Variants in ABI2 observed in about 807,000 individuals in gnomAD.
ABI2 encodes abelson interactor 2.
Under a neutral mutation model 59.2 loss-of-function variants are expected in ABI2, and 25 were observed. That is an observed-to-expected ratio of 0.42 (90% CI 0.31 to 0.59). ABI2 has a LOEUF of 0.59. Ranked by LOEUF, ABI2 falls within the 20% of genes least tolerant of loss-of-function variation. The pLI, the probability that ABI2 is intolerant of heterozygous loss-of-function variation, is 0.14. For synonymous variants in ABI2, 213 were observed against 235.5 expected (o/e 0.90, Z 0.87); for missense variants, 545 against 681.8 (o/e 0.80, Z 2.23).
chr2:203,382,449 G>A (rs998503805), intron 4 of ABI2, among the ~76,000 whole-genome samples: 3 of 152,128 alleles, frequency 2.0e-5, no homozygotes, highest in African/African-American at 7.2e-5. Flanking sequence ...CACATTAGGT[G>A]CTTAGTAAAT....
At chr2:203,337,341 T>G (rs542916444) in intron 1 of ABI2, among the ~76,000 whole-genome samples, 1 of 152,226 alleles carries the variant, frequency 6.6e-6, no homozygotes, top group African/African-American at 2.4e-5. Flanking sequence ...GTTGTGTTTC[T>G]ACATATTAAC....
chr2:203,345,178 C>T (rs1204335965), intron 1 of ABI2, among the ~76,000 whole-genome samples: 1 of 152,170 alleles, frequency 6.6e-6, no homozygotes, highest in Non-Finnish European at 1.5e-5. Flanking sequence ...TGAAGGTCTG[C>T]AGCTTCACTC....
intron 1 of ABI2, among the ~76,000 whole-genome samples, chr2:203,342,703 C>T (rs577886226): frequency 3.3e-5 from 5 of 152,012 alleles, no homozygotes; most frequent in Admixed American, 2.0e-4. Context: ...CCTCAGCCTC[C>T]TTAGTACTAC....
intron 11 of ABI2, among the ~76,000 whole-genome samples, chr2:203,425,400 A>G (rs1283360373): frequency 6.6e-6 from 1 of 151,880 alleles, no homozygotes; most frequent in Non-Finnish European, 1.5e-5. Context: ...ACGGGGTTTC[A>G]CCATGTTGGC....
chr2:203,407,987 G>T (rs1314913339), intron 9 of ABI2, among the ~76,000 whole-genome samples: 1 of 152,090 alleles, frequency 6.6e-6, no homozygotes, highest in Admixed American at 6.5e-5. Flanking sequence ...AATTAATTTC[G>T]ACCACCTTAT....
chr2:203,403,552 C>T lies in ABI2; in HGVS notation c.1192+818C>T, dbSNP rs2097304853. On this transcript the variant is annotated intron_variant, in intron 9 of 11. Coordinates refer to ENST00000261018, the MANE Select transcript of ABI2 (RefSeq NM_001375670.1). Reference sequence around the variant, plus strand: ...AAGAGTCTTGCAGAAGAAATTTGATCCTCCAACATAAACACTTAATTTAAA... The same window carrying T: ...AAGAGTCTTGCAGAAGAAATTTGATTCTCCAACATAAACACTTAATTTAAA... Among the ~76,000 whole-genome samples the T allele has an allele frequency of 3.3e-5, 5 of 152,050 alleles. No individual in the cohort carries two copies. The South Asian group carries it at 1.0e-3, about 32-fold the overall frequency.
In ABI2 at chr2:203,328,489, A is replaced by G; in HGVS notation, c.-26A>G. On this transcript the variant is annotated 5_prime_UTR_variant, in exon 1 of 12. Coordinates refer to ENST00000261018, the MANE Select transcript of ABI2 (RefSeq NM_001375670.1). The stretch of plus-strand genomic sequence containing the variant: ...CGCCGCTCCCTCTGCGACCTGTATG[A>G]GGAGGAGGAGGAGGAGGATGTGAAG... 7.7e-7 allele frequency: 1 copy of G among 1,295,574 alleles called. No individual in the cohort carries two copies. The allele number at this position is 1,295,574 out of a possible 1,614,324, so 80.3% of individuals were successfully genotyped here.
intron 8 of ABI2, among the ~76,000 whole-genome samples, chr2:203,401,703 CAAAG>C (rs1218798132): frequency 6.6e-6 from 1 of 151,860 alleles, no homozygotes; most frequent in African/African-American, 2.4e-5. Context: ...AATTTTAAGA[CAAAG>C]TAATGTAGCT....
intron 9 of ABI2, among the ~76,000 whole-genome samples, chr2:203,410,584 TTTTCTATACCATCAGGGA>T (rs1387459335): frequency 1.3e-5 from 2 of 152,196 alleles, no homozygotes; most frequent in Non-Finnish European, 1.5e-5. Context: ...AGGCCTGCAC[TTTTCTATACCATCAGGGA>T]GGAAGTGTAC....
chr2:203,392,723 G>A (rs1450936346), intron 5 of ABI2, among the ~76,000 whole-genome samples: 1 of 151,982 alleles, frequency 6.6e-6, no homozygotes, highest in Non-Finnish European at 1.5e-5. Flanking sequence ...TGGGTTTTAA[G>A]TCAAGATTGT....
At chr2:203,384,300 T>TGTTTGTTTTTG (rs1559289287) in intron 4 of ABI2, among the ~76,000 whole-genome samples, 1 of 102,420 alleles carries the variant, frequency 9.8e-6, no homozygotes. Context: ...GTTTTTTTTT[T>TGTTTGTTTTTG]TTTTTTTTTT....
At chr2:203,400,784 A>G (rs2097187837) in intron 8 of ABI2, among the ~76,000 whole-genome samples, 1 of 152,220 alleles carries the variant, frequency 6.6e-6, no homozygotes, top group Admixed American at 6.5e-5. Flanking sequence ...AATCATAGAC[A>G]AGATGAAAAA....
chr2:203,365,432 G>T (rs1233729639), intron 1 of ABI2, among the ~76,000 whole-genome samples: 1 of 151,902 alleles, frequency 6.6e-6, no homozygotes, highest in African/African-American at 2.4e-5. Flanking sequence ...ATTCTTGTCT[G>T]TACCTTTTTC....
chr2:203,362,701 A>T (rs745963979), intron 1 of ABI2, among the ~76,000 whole-genome samples: 3 of 151,558 alleles, frequency 2.0e-5, no homozygotes, highest in Non-Finnish European at 4.4e-5. Flanking sequence ...TAATTTTTAT[A>T]TGTTTAGTAG....
chr2:203,399,567 G>T (rs576622484), intron 8 of ABI2, among the ~76,000 whole-genome samples: 98 of 152,192 alleles, frequency 6.4e-4, no homozygotes, highest in Non-Finnish European at 1.1e-3. Context: ...CCAGGCTGGA[G>T]TGCAATGGCA....
At chr2:203,407,862 A>C (rs1025242679) in intron 9 of ABI2, among the ~76,000 whole-genome samples, 2 of 152,242 alleles carry the variant, frequency 1.3e-5, no homozygotes, top group African/African-American at 4.8e-5. Context: ...GCTTAAATTC[A>C]CTTAAAATGG....
intron 1 of ABI2, among the ~76,000 whole-genome samples, chr2:203,338,402 T>C (rs1327906046): frequency 6.6e-6 from 1 of 152,038 alleles, no homozygotes; most frequent in Non-Finnish European, 1.5e-5. Context: ...AATTGGATTA[T>C]GGGGGCAGAT....
intron 1 of ABI2, among the ~76,000 whole-genome samples, chr2:203,348,674 G>C (rs1320496583): frequency 6.6e-6 from 1 of 151,934 alleles, no homozygotes; most frequent in East Asian, 1.9e-4. Context: ...TTACTTTTTA[G>C]AGCAGTTTTA....
chr2:203,329,552 A>G (rs2071434181), intron 1 of ABI2, among the ~76,000 whole-genome samples: 1 of 151,918 alleles, frequency 6.6e-6, no homozygotes, highest in Non-Finnish European at 1.5e-5. Context: ...TGCAAAATCT[A>G]AAATCTTTTG....
Sources: gnomAD v4.1 joint callset for allele counts (sites outside exome capture counted in the v4.1 genomes callset) on GRCh38, gnomAD v4.1.1 for gene constraint, MANE v1.5 for transcripts, NCBI Gene and HGNC (gene_info 2026-07-23, HGNC 2026-07-21) for gene names.